The following GLB1 variants were observed in gnomAD, a reference collection of about 807,000 sequenced individuals.
GLB1 encodes the protein galactosidase beta 1.
A neutral mutation model predicts 74.0 loss-of-function variants in GLB1; 56 were observed. The observed-to-expected ratio is 0.76, with a 90% CI of 0.61 to 0.94. The LOEUF (loss-of-function observed/expected upper bound fraction) is 0.94, where lower values mean the gene tolerates loss of function less well. Among genes scored for constraint, GLB1 ranks in the 40% least tolerant of loss-of-function variants. The probability of loss-of-function intolerance (pLI) is 0.00; values close to 1 mark genes in which losing one functional copy is unlikely to be tolerated. For missense variants in GLB1, 787 were observed against 845.5 expected (o/e 0.93, Z 0.86); for synonymous variants, 323 against 323.6 (o/e 1.00, Z 0.02).
At chr3:33,042,437 G>A (rs1348627741) in intron 10 of GLB1, among the ~76,000 whole-genome samples, 2 of 134,348 alleles carry the variant, frequency 1.5e-5, no homozygotes, top group Admixed American at 8.9e-5. Flanking sequence ...GCGTGATCTC[G>A]GCTCACTGCA....
intron 10 of GLB1, chr3:33,034,339 C>T: frequency 1.3e-6 from 1 of 755,848 alleles, no homozygotes; most frequent in Non-Finnish European, 2.5e-6. Context: ...TCAGCTAGGC[C>T]CCTGCTGTTG....
intron 9 of GLB1, 104 bp downstream of exon 9, chr3:33,051,654 A>G: frequency 6.5e-7 from 1 of 1,533,450 alleles, no homozygotes; most frequent in Non-Finnish European, 8.9e-7. Flanking sequence ...AGGAGAGGAT[A>G]AACAAAAAAA....
At chr3:33,065,167 C>T (rs1378192226) in intron 5 of GLB1, among the ~76,000 whole-genome samples, 1 of 152,154 alleles carries the variant, frequency 6.6e-6, no homozygotes, top group Non-Finnish European at 1.5e-5. Flanking sequence ...CACCTGCTGG[C>T]TGGGTGACCT....
the GLB1 span, among the ~76,000 whole-genome samples, chr3:32,985,044 G>T: frequency 6.7e-6 from 1 of 149,036 alleles, no homozygotes; most frequent in East Asian, 2.0e-4. Context: ...GGTTGAGGCT[G>T]CAGTGAGCTG....
chr3:33,012,942 A>G (rs1033471765), intron 15 of GLB1, among the ~76,000 whole-genome samples: 7 of 152,228 alleles, frequency 4.6e-5, no homozygotes, highest in African/African-American at 1.7e-4. Flanking sequence ...CCTCGAATCC[A>G]TAAGTGTCCT....
chr3:33,040,029 G>C (rs946126970), intron 10 of GLB1, among the ~76,000 whole-genome samples: 2 of 152,118 alleles, frequency 1.3e-5, no homozygotes, highest in African/African-American at 4.8e-5. Flanking sequence ...ATAGCCCTAG[G>C]AGTAGCTTAG....
At chr3:32,964,256 C>A in the GLB1 span, among the ~76,000 whole-genome samples, 1 of 152,128 alleles carries the variant, frequency 6.6e-6, no homozygotes, top group African/African-American at 2.4e-5. Flanking sequence ...GTTTTGATGT[C>A]ACAAGAAAAA....
chr3:33,074,396 GA>G, intron 1 of GLB1, among the ~76,000 whole-genome samples: 10 of 140,368 alleles, frequency 7.1e-5, no homozygotes, highest in Non-Finnish European at 3.2e-5. Context: ...AAGGAAGAAA[GA>G]AAGAAAGAAA....
At chr3:32,971,921 A>G in the GLB1 span, among the ~76,000 whole-genome samples, 1 of 152,210 alleles carries the variant, frequency 6.6e-6, no homozygotes, top group Non-Finnish European at 1.5e-5. Flanking sequence ...TGTGTGTTAA[A>G]AACAATCGAG....
the GLB1 span, among the ~76,000 whole-genome samples, chr3:32,983,048 G>C: frequency 6.6e-6 from 1 of 152,080 alleles, no homozygotes; most frequent in Non-Finnish European, 1.5e-5. Flanking sequence ...TTTGTTGCTG[G>C]TGTTCTTCAA....
chr3:33,022,564 A>ATTTTTTTTTT (rs61013692), intron 11 of GLB1, among the ~76,000 whole-genome samples: 4,436 of 63,498 alleles, frequency 0.07, 1,178 homozygotes, highest in African/African-American at 0.13. Context: ...ACTGGTTAGG[A>ATTTTTTTTTT]TTTTTTTTTT....
intron 11 of GLB1, 23 bp downstream of exon 11, chr3:33,024,228 T>A: frequency 6.3e-7 from 1 of 1,598,620 alleles, no homozygotes; most frequent in Non-Finnish European, 8.5e-7. Flanking sequence ...ACTTTCAAAG[T>A]TTCTGTTATT....
intron 14 of GLB1, among the ~76,000 whole-genome samples, chr3:33,014,668 G>A (rs1238433588): frequency 6.6e-6 from 1 of 152,116 alleles, no homozygotes; most frequent in African/African-American, 2.4e-5. Context: ...AGAGAAAGAT[G>A]GGCACCAAGA....
intron 10 of GLB1, chr3:33,045,180 C>T: frequency 3.5e-6 from 1 of 283,618 alleles, no homozygotes; most frequent in Non-Finnish European, 5.3e-6. Flanking sequence ...TACAGCACAA[C>T]CAGATGCTGT....
chr3:33,049,284 C>T (rs1286359657), intron 9 of GLB1, among the ~76,000 whole-genome samples: 1 of 152,140 alleles, frequency 6.6e-6, no homozygotes, highest in Non-Finnish European at 1.5e-5. Context: ...CCAACCTTGG[C>T]ACACTATTAT....
intron 10 of GLB1, chr3:33,045,813 C>A (rs1331150827): frequency 8.7e-7 from 1 of 1,152,712 alleles, no homozygotes; most frequent in African/African-American, 1.6e-5. Context: ...AAAATGGAGA[C>A]AGAAATTTCC....
rs923101041 is a variant in GLB1 at position 33,034,660 on chromosome 3, A to G, written c.1069-10335T>C. 7 of 732,150 alleles carry G rather than the reference A, an allele frequency of 9.6e-6. No individual in the cohort carries two copies. In the Admixed American group the frequency reaches 1.1e-4, roughly 11 times the overall value. 45.4% of individuals were successfully genotyped at this position (732,150 alleles called of 1,614,324 possible). A position where few individuals can be genotyped will look rare whatever the true frequency, so the allele number is the denominator to read the frequency against. On this transcript the variant is annotated intron_variant, in intron 10 of 15. Coordinates refer to ENST00000307363, the MANE Select transcript of GLB1 (RefSeq NM_000404.4). ...TGTAGCATGCGGGCAGGTCCATCACAGCCAACATATTGGCCATCTCTGGTG... is the reference window on the plus strand; with the variant it reads ...TGTAGCATGCGGGCAGGTCCATCACGGCCAACATATTGGCCATCTCTGGTG...
intron 1 of GLB1, among the ~76,000 whole-genome samples, chr3:33,080,189 C>T (rs551172030): frequency 5.9e-5 from 9 of 152,160 alleles, no homozygotes; most frequent in East Asian, 1.9e-4. Flanking sequence ...CTGCAACCTC[C>T]GCCTCCCCAG....
At chr3:33,008,362 T>A (rs1317623850) in intron 15 of GLB1, among the ~76,000 whole-genome samples, 1 of 152,000 alleles carries the variant, frequency 6.6e-6, no homozygotes, top group African/African-American at 2.4e-5. Flanking sequence ...GAGAACAGGA[T>A]CTTGCCCTGA....
Sources: allele counts gnomAD v4.1 joint callset (sites outside exome capture counted in the v4.1 genomes callset), GRCh38; gene constraint gnomAD v4.1.1; transcripts MANE v1.5; gene names NCBI Gene and HGNC (gene_info 2026-07-23, HGNC 2026-07-21).